Variants in MCC observed in about 807,000 individuals in gnomAD.
The protein encoded by MCC is MCC regulator of Wnt signaling pathway.
MCC carries 90 observed loss-of-function variants against 116.2 expected under a neutral mutation model. The observed-to-expected ratio is 0.77, with a 90% CI of 0.65 to 0.92. The LOEUF (loss-of-function observed/expected upper bound fraction) is 0.92. MCC is among the 40% of genes least tolerant of loss of function. MCC has a pLI of 0.00. For synonymous variants in MCC, 578 were observed against 510.5 expected (o/e 1.13, Z -1.78); for missense variants, 1,516 against 1,312.2 (o/e 1.16, Z -2.40).
chr5:113,038,885 T>C (rs1170345980), intron 17 of MCC, among the ~76,000 whole-genome samples: 1 of 152,202 alleles, frequency 6.6e-6, no homozygotes, highest in Admixed American at 6.5e-5. Context: ...GATTTGTCGA[T>C]TGCCTTAACG....
At chr5:113,050,803 G>A (rs527368027) in intron 15 of MCC, among the ~76,000 whole-genome samples, 2 of 152,222 alleles carry the variant, frequency 1.3e-5, no homozygotes, top group Non-Finnish European at 2.9e-5. Flanking sequence ...AGGAGGGCAG[G>A]TGCTGGCCAG....
intron 2 of MCC, among the ~76,000 whole-genome samples, chr5:113,376,173 A>G (rs1768975830): frequency 6.6e-6 from 1 of 152,190 alleles, no homozygotes; most frequent in Non-Finnish European, 1.5e-5. Flanking sequence ...CCAAGCACAC[A>G]TTTCTTATTT....
intron 2 of MCC, among the ~76,000 whole-genome samples, chr5:113,351,116 G>C (rs2150382020): frequency 6.6e-6 from 1 of 152,106 alleles, no homozygotes; most frequent in Non-Finnish European, 1.5e-5. Context: ...CCACTATGGA[G>C]AACCATTTGG....
At position 113,105,437 on chromosome 5, in the gene MCC, T is replaced by G. The variant is rs538201078; in HGVS notation, c.1028-1082A>C. On this transcript the variant is annotated intron_variant, in intron 6 of 18. Coordinates refer to ENST00000408903, the MANE Select transcript of MCC (RefSeq NM_001085377.2). ...TCATCTGGTTGCCTCTATTTGTAAA[T>G]TACCTAAATCTAGAGAGATCAGCCT... Among the ~76,000 whole-genome samples, 7 of 152,270 alleles carry G rather than the reference T, an allele frequency of 4.6e-5. No individual in the cohort carries two copies. In the East Asian group the frequency reaches 1.2e-3, roughly 25 times the overall value.
intron 3 of MCC, among the ~76,000 whole-genome samples, chr5:113,307,224 G>A (rs1767009813): frequency 6.6e-6 from 1 of 152,178 alleles, no homozygotes; most frequent in African/African-American, 2.4e-5. Flanking sequence ...CACGGAGTCT[G>A]TAGATCAGTT....
intron 3 of MCC, among the ~76,000 whole-genome samples, chr5:113,246,856 T>A (rs1429819901): frequency 1.3e-5 from 2 of 152,160 alleles, no homozygotes; most frequent in Non-Finnish European, 2.9e-5. Flanking sequence ...CTGGAGTCAT[T>A]CACATAACAT....
Position 113,122,908 on chromosome 5 carries a change from A to G in MCC, c.885-82T>C, listed in dbSNP as rs1481627289. 6 of 1,430,266 alleles carry G rather than the reference A, an allele frequency of 4.2e-6. No individual in the cohort carries two copies. The East Asian group carries it at 9.1e-5, about 22-fold the overall frequency. 88.6% of individuals were successfully genotyped at this position (1,430,266 alleles called of 1,614,324 possible). A position where few individuals can be genotyped will look rare whatever the true frequency, so the allele number is the denominator to read the frequency against. On this transcript the variant is annotated intron_variant, in intron 5 of 18. Coordinates refer to ENST00000408903, the MANE Select transcript of MCC (RefSeq NM_001085377.2). The stretch of plus-strand genomic sequence containing the variant: ...AGAATATGTCTTTTAAGGACAAGAA[A>G]AAGACATTGAGAGAGAAAACAGATT...
At chr5:113,257,844 G>A (rs1223444488) in intron 3 of MCC, among the ~76,000 whole-genome samples, 1 of 152,174 alleles carries the variant, frequency 6.6e-6, no homozygotes, top group Non-Finnish European at 1.5e-5. Context: ...ATGTTCCCGA[G>A]GGAGGGGAAA....
intron 14 of MCC, among the ~76,000 whole-genome samples, chr5:113,060,575 AG>A (rs1753147854): frequency 6.6e-6 from 1 of 152,208 alleles, no homozygotes; most frequent in African/African-American, 2.4e-5. Context: ...CCTAGAATGG[AG>A]AACTTTACCA....
chr5:113,225,344 T>C (rs1380056628), intron 3 of MCC, among the ~76,000 whole-genome samples: 1 of 152,246 alleles, frequency 6.6e-6, no homozygotes, highest in Non-Finnish European at 1.5e-5. Flanking sequence ...CAGTCATCAC[T>C]TGAATTCTGC....
intron 3 of MCC, among the ~76,000 whole-genome samples, chr5:113,335,474 T>C (rs1247226997): frequency 6.6e-6 from 1 of 151,784 alleles, no homozygotes; most frequent in African/African-American, 2.4e-5. Flanking sequence ...AATTTATCTC[T>C]GCTGTATCTA....
chr5:113,093,469 A>ATCTCTCTCTC (rs144701142), intron 8 of MCC, among the ~76,000 whole-genome samples: 150 of 149,296 alleles, frequency 1.0e-3, no homozygotes, highest in African/African-American at 3.5e-3. Flanking sequence ...CTATCTGTTG[A>ATCTCTCTCTC]TCTCTCTCTC....
At chr5:113,078,957 A>G (rs1754655786) in intron 11 of MCC, among the ~76,000 whole-genome samples, 1 of 152,228 alleles carries the variant, frequency 6.6e-6, no homozygotes, top group South Asian at 2.1e-4. Context: ...CAACTTCAGA[A>G]AAGTCTCAGG....
chr5:113,414,432 C>G (rs996488293), intron 1 of MCC, among the ~76,000 whole-genome samples: 4 of 152,144 alleles, frequency 2.6e-5, no homozygotes, highest in African/African-American at 9.7e-5. Context: ...TAAGGACTTG[C>G]TTTATGAATC....
At chr5:113,238,802 A>C (rs1176505400) in intron 3 of MCC, among the ~76,000 whole-genome samples, 1 of 152,258 alleles carries the variant, frequency 6.6e-6, no homozygotes, top group Non-Finnish European at 1.5e-5. Context: ...TAATGGTCTC[A>C]AATTTTTAAC....
chr5:113,348,985 A>G (rs1484694055), intron 2 of MCC, among the ~76,000 whole-genome samples: 1 of 151,968 alleles, frequency 6.6e-6, no homozygotes, highest in African/African-American at 2.4e-5. Context: ...GACACATACA[A>G]CTTACCAAGA....
intron 1 of MCC, among the ~76,000 whole-genome samples, chr5:113,386,606 A>G (rs1467351908): frequency 6.6e-6 from 1 of 152,052 alleles, no homozygotes; most frequent in East Asian, 1.9e-4. Flanking sequence ...AAGACCTTTC[A>G]ATTTATGCCA....
chr5:113,024,511 C>G lies in MCC; in HGVS notation c.*2791G>C, dbSNP rs1750390968. The stretch of plus-strand genomic sequence containing the variant: ...TCCTTTGGCTCTGTGCCCATTTCTT[C>G]AAAAGCCAAAGACTGAATTCTGAAC... On this transcript the variant is annotated 3_prime_UTR_variant, in exon 19 of 19. Transcript: ENST00000408903. 1 of 152,200 alleles carries G rather than the reference C, an allele frequency of 6.6e-6. No individual in the cohort carries two copies. The highest frequency in any genetic ancestry group is 2.1e-4 in the South Asian group (1 of 4,828). 9.4% of individuals were successfully genotyped at this position (152,200 alleles called of 1,614,324 possible).
At chr5:113,048,441 A>G (rs1580922358) in intron 16 of MCC, 1 of 152,366 alleles carries the variant, frequency 6.6e-6, no homozygotes, top group East Asian at 1.9e-4. Context: ...CCCATCTGTC[A>G]TTTAGTAGCT....
Sources: allele counts gnomAD v4.1 joint callset (sites outside exome capture counted in the v4.1 genomes callset), GRCh38; gene constraint gnomAD v4.1.1; transcripts MANE v1.5; gene names NCBI Gene and HGNC (gene_info 2026-07-23, HGNC 2026-07-21).